PABPC4: variants seen among roughly 807,000 people sequenced by gnomAD.
The protein encoded by PABPC4 is polyadenylate-binding protein 4.
A neutral mutation model predicts 74.5 loss-of-function variants in PABPC4; 15 were observed. That is an observed-to-expected ratio of 0.20 (90% confidence interval 0.13 to 0.31). The LOEUF (loss-of-function observed/expected upper bound fraction) is 0.31, where lower values mean the gene tolerates loss of function less well. Ranked by LOEUF, PABPC4 falls within the 10% of genes least tolerant of loss-of-function variation. PABPC4 has a pLI of 1.00. For synonymous variants in PABPC4, 345 were observed against 303.0 expected (o/e 1.14, Z -1.44); for missense variants, 610 against 853.5 (o/e 0.71, Z 3.55).
Position 39,562,314 on chromosome 1 carries a change from G to A in PABPC4, c.1762+9C>T, listed in dbSNP as rs540067226. On this transcript the variant is annotated intron_variant, in intron 13 of 15. Coordinates refer to ENST00000372858, the MANE Select transcript of PABPC4 (RefSeq NM_001135653.2). ...ACCCTCTTCTTCTGCAAGCAAGTGG[G>A]TCACTCACCCAGCATCTGCTTCTGT... 2 of 1,613,332 alleles carry A rather than the reference G, an allele frequency of 1.2e-6. No homozygotes were observed. Among genetic ancestry groups the A allele is most frequent in the Admixed American group, 3.3e-5 (2 of 60,008 alleles).
Position 39,562,396 on chromosome 1 carries a change from A to G in PABPC4, c.1689T>C (p.His563=), listed in dbSNP as rs1645779063. Reference sequence around the variant, plus strand: ...CAGTCAGTGGCTCCTGCCCCTGCACATGGACCGCAGGCTGGGGTGCCTGGG... The same window carrying G: ...CAGTCAGTGGCTCCTGCCCCTGCACGTGGACCGCAGGCTGGGGTGCCTGGG... The part of the protein sequence containing the change: ...QPLQAPQPAV[H]VQGQEPLTAS... The change falls in exon 13 of 16, where the codon CAT becomes CAC. Residue 563 remains histidine, a synonymous_variant. Coordinates refer to ENST00000372858, the MANE Select transcript of PABPC4 (RefSeq NM_001135653.2). 5 of 1,613,716 alleles carry G rather than the reference A, an allele frequency of 3.1e-6. No individual in the cohort carries two copies. In the Middle Eastern group the frequency reaches 4.9e-4, roughly 160 times the overall value.
At position 39,564,380 on chromosome 1, in the gene PABPC4, T is replaced by A. The variant is rs774285297; in HGVS notation, c.1453+43A>T. 3 of 1,604,248 alleles carry A rather than the reference T, an allele frequency of 1.9e-6. No individual in the cohort carries two copies. The South Asian group carries it at 3.3e-5, about 18-fold the overall frequency. ...CAGGACAGAGCCTAGTCATCCTGACTCCCTCCTCCCCAGGCCACACTTCTA... is the reference window on the plus strand; with the variant it reads ...CAGGACAGAGCCTAGTCATCCTGACACCCTCCTCCCCAGGCCACACTTCTA... On this transcript the variant is annotated intron_variant, in intron 10 of 15. Coordinates refer to ENST00000372858, the MANE Select transcript of PABPC4 (RefSeq NM_001135653.2).
In PABPC4 at chr1:39,576,704, C is replaced by T. The variant is rs1210738042; in HGVS notation, c.-753G>A. The T allele has an allele frequency of 6.7e-6, 1 of 148,926 alleles. No homozygotes were observed. The highest frequency in any genetic ancestry group is 2.4e-5 in the African/African-American group (1 of 40,950). 9.2% of individuals were successfully genotyped at this position (148,926 alleles called of 1,614,324 possible). On this transcript the variant is annotated 5_prime_UTR_variant, in exon 1 of 16. Coordinates refer to ENST00000372858, the MANE Select transcript of PABPC4 (RefSeq NM_001135653.2). ...TTTTTTCAGGATTTTGAAGCGTTTT[C>T]AGATTTTTTTTATCTTTTTCTCTTT...
rs201862071 is a variant in PABPC4, at chr1:39,571,332, G to A, written c.405C>T (p.Asn135=). 10 of 1,614,108 alleles carry A rather than the reference G, an allele frequency of 6.2e-6. No individual in the cohort carries two copies. The East Asian group carries it at 6.7e-5, about 11-fold the overall frequency. Residue 135 remains asparagine, a synonymous_variant, in exon 3 of 16, where the codon AAC becomes AAT. Coordinates refer to ENST00000372858, the MANE Select transcript of PABPC4 (RefSeq NM_001135653.2). ...GGACAAAGGCATAACCCTTAGAGCC[G>A]TTCTCATCACACACCACCTGTCAAA... ...ILSCKVVCDE[N]GSKGYAFVHF... is the part of the protein sequence containing the mutation.
chr1:39,562,257 C>T, intron 13 of PABPC4, 54 bp from the exon 14 acceptor site: 1 of 1,610,590 alleles, frequency 6.2e-7, no homozygotes, highest in Non-Finnish European at 8.5e-7. Flanking sequence ...AAACAATGGA[C>T]ACTGGTGTCC....
In PABPC4 at chr1:39,561,152, T is replaced by C. The variant is rs900593862; in HGVS notation, c.*14-30A>G. Reference sequence around the variant, plus strand: ...AAAGAAAAGCACCAACACAAATAAATGCATAATCAAATAATTTAGATTCAT... The same window carrying C: ...AAAGAAAAGCACCAACACAAATAAACGCATAATCAAATAATTTAGATTCAT... On this transcript the variant is annotated intron_variant, in intron 15 of 15. Coordinates refer to ENST00000372858, the MANE Select transcript of PABPC4 (RefSeq NM_001135653.2). The C allele has an allele frequency of 3.0e-5, 14 of 470,416 alleles. No individual in the cohort carries two copies. The Admixed American group carries it at 3.1e-4, about 10-fold the overall frequency. The allele number at this position is 470,416 out of a possible 1,614,324, so 29.1% of individuals were successfully genotyped here. A position where few individuals can be genotyped will look rare whatever the true frequency, so the allele number is the denominator to read the frequency against.
chr1:39,564,957 G>T, intron 8 of PABPC4, 149 bp downstream of exon 8: 1 of 947,190 alleles, frequency 1.1e-6, no homozygotes, highest in Non-Finnish European at 1.6e-6. Context: ...GTGTGTGTTT[G>T]TGACCATGGG....
intron 2 of PABPC4, among the ~76,000 whole-genome samples, chr1:39,572,083 T>A (rs1410802255): frequency 6.6e-6 from 1 of 152,204 alleles, no homozygotes; most frequent in African/African-American, 2.4e-5. Flanking sequence ...TGATTAAGTT[T>A]CCTCAAGACT....
At chr1:39,570,390 C>G (rs909960420) in intron 3 of PABPC4, 6 of 183,592 alleles carry the variant, frequency 3.3e-5, no homozygotes, top group Non-Finnish European at 5.6e-5. Context: ...AGTGAAGGGG[C>G]ACCCTTTGCT....
chr1:39,564,913 T>TG (rs1160319413), intron 8 of PABPC4, 140 bp from the exon 9 acceptor site: 4 of 867,872 alleles, frequency 4.6e-6, no homozygotes, highest in African/African-American at 3.4e-5. Flanking sequence ...GGTCAGCTAA[T>TG]GGGGACTGTT....
In PABPC4 at chr1:39,575,745, C is replaced by G. The variant is rs966503075; in HGVS notation, c.193+14G>C. ...CCGGGCTCCCACGCACGTGTGGGCACAGCTTCTACTCACCGTCGGCCGGCT... is the reference window on the plus strand; with the variant it reads ...CCGGGCTCCCACGCACGTGTGGGCAGAGCTTCTACTCACCGTCGGCCGGCT... On this transcript the variant is annotated intron_variant, in intron 1 of 15. Transcript: ENST00000372858. The G allele has an allele frequency of 6.4e-7, 1 of 1,566,066 alleles. No individual in the cohort carries two copies. The highest frequency in any genetic ancestry group is 8.7e-7 in the Non-Finnish European group (1 of 1,151,834).
chr1:39,562,572 T>C (rs1645781195), intron 12 of PABPC4, 156 bp from the exon 13 acceptor site: 1 of 597,930 alleles, frequency 1.7e-6, no homozygotes. Context: ...CCTTGAAGGA[T>C]TGAGGGGTGT....
At position 39,566,905 on chromosome 1, in the gene PABPC4, A is replaced by G. The variant is rs762122437; in HGVS notation, c.972+846T>C. On this transcript the variant is annotated intron_variant, in intron 7 of 15. Transcript: ENST00000372858. ...TCTGGCCAACTCCCTACTACAACTG[A>G]TAACATTGCTTTCCACATTCCCAGG... Among the ~76,000 whole-genome samples the G allele has an allele frequency of 7.3e-4, 111 of 152,302 alleles. 1 individual carries two copies. The highest frequency in any genetic ancestry group is 2.6e-4 in the Non-Finnish European group (18 of 68,036).
At chr1:39,567,954 AC>A in intron 6 of PABPC4, 108 bp from the exon 7 acceptor site, 1 of 647,466 alleles carries the variant, frequency 1.5e-6, no homozygotes, top group Non-Finnish European at 2.7e-6. Context: ...ATCTTTGGGA[AC>A]TTGTTAGAAA....
intron 7 of PABPC4, 91 bp downstream of exon 7, chr1:39,567,660 T>TA: frequency 1.3e-6 from 1 of 759,588 alleles, no homozygotes; most frequent in Non-Finnish European, 2.3e-6. Flanking sequence ...GAAATGAACA[T>TA]AATTTAAATG....
At position 39,561,086 on chromosome 1, in the gene PABPC4, A is replaced by C. The variant is rs778387416; in HGVS notation, c.*50T>G. The C allele has an allele frequency of 1.3e-5, 6 of 470,150 alleles. No individual in the cohort carries two copies. The highest frequency in any genetic ancestry group is 2.6e-5 in the Non-Finnish European group (6 of 226,442). The allele number at this position is 470,150 out of a possible 1,614,324, so 29.1% of individuals were successfully genotyped here. On this transcript the variant is annotated 3_prime_UTR_variant, in exon 16 of 16. Transcript: ENST00000372858. Reference sequence around the variant, plus strand: ...CAAGCTAGGAAGTCTTCAAACCTTGAGTTGAATTCCATAAGGGGTTATTTG... The same window carrying C: ...CAAGCTAGGAAGTCTTCAAACCTTGCGTTGAATTCCATAAGGGGTTATTTG...
intron 7 of PABPC4, chr1:39,567,367 AAGG>A: frequency 1.9e-6 from 1 of 520,390 alleles, no homozygotes; most frequent in Non-Finnish European, 3.8e-6. Context: ...CTTCATTCTC[AAGG>A]AGAAAATGTG....
intron 7 of PABPC4, 32 bp from the exon 8 acceptor site, chr1:39,565,410 A>C: frequency 1.3e-6 from 2 of 1,588,234 alleles, no homozygotes; most frequent in Non-Finnish European, 1.7e-6. Flanking sequence ...TTAAGAAATA[A>C]GGTGTCCCTG....
Position 39,576,433 on chromosome 1 carries a change from C to G in PABPC4, c.-482G>C, listed in dbSNP as rs934285331. The G allele has an allele frequency of 2.0e-5, 3 of 151,510 alleles. No homozygotes were observed. Among genetic ancestry groups the G allele is most frequent in the African/African-American group, 7.3e-5 (3 of 41,336 alleles). The allele number at this position is 151,510 out of a possible 1,614,324, so 9.4% of individuals were successfully genotyped here. On this transcript the variant is annotated 5_prime_UTR_variant, in exon 1 of 16. Transcript: ENST00000372858. ...CAAATCTTTGTGGGCGCCGACTCGG[C>G]GAGCCCCGGGCGGGCGGCGAAGGGC...
Sources: gnomAD v4.1 joint callset for allele counts (sites outside exome capture counted in the v4.1 genomes callset) on GRCh38, gnomAD v4.1.1 for gene constraint, MANE v1.5 for transcripts, NCBI Gene and HGNC (gene_info 2026-07-23, HGNC 2026-07-21) for gene names.